Variants in CHN2 observed in about 807,000 individuals in gnomAD.
The protein encoded by CHN2 is beta-chimaerin.
Under a neutral mutation model 56.3 loss-of-function variants are expected in CHN2, and 35 were observed. The observed-to-expected ratio is 0.62, with a 90% CI of 0.47 to 0.82. CHN2 has a LOEUF of 0.82. Among genes scored for constraint, CHN2 ranks in the 40% least tolerant of loss-of-function variants. The pLI, the probability that CHN2 is intolerant of heterozygous loss-of-function variation, is 0.00. For synonymous variants in CHN2, 210 were observed against 212.8 expected (o/e 0.99, Z 0.12); for missense variants, 491 against 580.5 (o/e 0.85, Z 1.58).
At chr7:29,146,911 A>C in exon 2 of CHN2, 2 of 1,551,224 alleles carry the variant, frequency 1.3e-6, no homozygotes, top group Non-Finnish European at 1.7e-6. Context: ...CCCACTGTTT[A>C]AAAAGGCAAC....
chr7:29,507,342 A>G lies in CHN2; in HGVS notation c.1106A>G (p.Tyr369Cys). ...ATCCCTGTCATCACATATGATACCT[A>G]TTCCAAATTTATAGATGCAGCAAGT... is the stretch of plus-strand genomic sequence containing the variant. ...LPIPVITYDTYSKFIDAAKIS... is the reference protein window; with the variant it reads ...LPIPVITYDTCSKFIDAAKIS... The change falls in exon 11 of 13, where the codon TAT (tyrosine) becomes TGT (cysteine). Residue 369 changes from tyrosine (Y) to cysteine (C), a missense_variant. Tyr to Cys is a radical substitution (Grantham distance 194). Transcript: ENST00000222792. 1 of 1,608,902 alleles carries G rather than the reference A, an allele frequency of 6.2e-7. No individual in the cohort carries two copies. Among genetic ancestry groups the G allele is most frequent in the East Asian group, 2.2e-5 (1 of 44,802 alleles).
At chr7:29,476,805 G>A (rs926830004) in intron 6 of CHN2, among the ~76,000 whole-genome samples, 1 of 152,034 alleles carries the variant, frequency 6.6e-6, no homozygotes, top group African/African-American at 2.4e-5. Context: ...ATCCTGCAAC[G>A]TACAGGACAG....
intron 2 of CHN2, among the ~76,000 whole-genome samples, chr7:29,358,998 C>A (rs1798531190): frequency 6.6e-6 from 1 of 152,184 alleles, no homozygotes; most frequent in Non-Finnish European, 1.5e-5. Flanking sequence ...CTTGGGATCC[C>A]CCTGTAACTA....
intron 1 of CHN2, among the ~76,000 whole-genome samples, chr7:29,308,189 T>TA (rs1156409860): frequency 2.3e-4 from 35 of 152,296 alleles, no homozygotes; most frequent in African/African-American, 7.9e-4. Flanking sequence ...TACCTTATGT[T>TA]ACGCTGCACT....
chr7:29,200,647 TTC>T (rs1291502860), intron 1 of CHN2: 2 of 152,096 alleles, frequency 1.3e-5, no homozygotes, highest in South Asian at 2.1e-4. Context: ...GAAGCTGGTA[TTC>T]TGTCTCTCAC....
intron 1 of CHN2, among the ~76,000 whole-genome samples, chr7:29,325,281 A>G (rs988375335): frequency 3.3e-5 from 5 of 152,214 alleles, no homozygotes; most frequent in Admixed American, 2.6e-4. Flanking sequence ...CTCTAAGCCC[A>G]TGACACAGTT....
intron 1 of CHN2, among the ~76,000 whole-genome samples, chr7:29,256,827 G>A (rs376593551): frequency 1.5e-4 from 23 of 152,078 alleles, no homozygotes; most frequent in East Asian, 3.9e-4. Context: ...CCCCCACCAC[G>A]ATCCAAACCT....
intron 6 of CHN2, among the ~76,000 whole-genome samples, chr7:29,443,443 C>T (rs918014893): frequency 6.6e-6 from 1 of 152,152 alleles, no homozygotes; most frequent in Non-Finnish European, 1.5e-5. Context: ...ATGATGTTCG[C>T]ACAATGACAG....
intron 6 of CHN2, chr7:29,445,151 C>A: frequency 2.2e-6 from 1 of 455,996 alleles, no homozygotes; most frequent in South Asian, 1.5e-5. Context: ...CTGGAGAAAT[C>A]CCACCAGTAC....
chr7:29,218,542 T>C (rs1785513774), intron 1 of CHN2, among the ~76,000 whole-genome samples: 2 of 152,108 alleles, frequency 1.3e-5, no homozygotes, highest in South Asian at 4.2e-4. Flanking sequence ...AGCAAAGACT[T>C]GGAACCAACG....
At chr7:29,506,169 A>C (rs1264683416) in intron 10 of CHN2, among the ~76,000 whole-genome samples, 2 of 152,218 alleles carry the variant, frequency 1.3e-5, no homozygotes, top group African/African-American at 2.4e-5. Context: ...AATGGTAAGA[A>C]ATATAGGCCA....
chr7:29,479,518 AATT>A, intron 6 of CHN2: 2 of 295,978 alleles, frequency 6.8e-6, no homozygotes, highest in Non-Finnish European at 1.0e-5. Context: ...TAAGAATAAA[AATT>A]AAGCTTTCAA....
intron 1 of CHN2, among the ~76,000 whole-genome samples, chr7:29,303,616 C>T (rs1227107832): frequency 2.0e-5 from 3 of 152,222 alleles, no homozygotes; most frequent in African/African-American, 7.2e-5. Context: ...TCCATCCATT[C>T]ACTAGCTTCC....
chr7:29,474,743 A>G (rs978680702), intron 6 of CHN2, among the ~76,000 whole-genome samples: 2 of 152,218 alleles, frequency 1.3e-5, no homozygotes, highest in Non-Finnish European at 2.9e-5. Flanking sequence ...ACCAATGATG[A>G]CATTTTCAAA....
At chr7:29,376,693 A>T (rs1442505278) in intron 3 of CHN2, among the ~76,000 whole-genome samples, 1 of 152,080 alleles carries the variant, frequency 6.6e-6, no homozygotes, top group Non-Finnish European at 1.5e-5. Flanking sequence ...AATGCTTGCT[A>T]TTTGCTCAGC....
intron 3 of CHN2, 95 bp downstream of exon 3, chr7:29,368,082 G>T: frequency 1.0e-6 from 1 of 988,334 alleles, no homozygotes. Flanking sequence ...CCTGGGAGTT[G>T]ATTTCTATTA....
chr7:29,357,859 G>C (rs988141050), intron 2 of CHN2, among the ~76,000 whole-genome samples: 1 of 152,160 alleles, frequency 6.6e-6, no homozygotes, highest in Non-Finnish European at 1.5e-5. Context: ...TAAATAAACT[G>C]TTGGTAAACC....
chr7:29,216,820 A>T (rs763703313), intron 1 of CHN2, among the ~76,000 whole-genome samples: 1 of 152,226 alleles, frequency 6.6e-6, no homozygotes, highest in African/African-American at 2.4e-5. Context: ...AACCGGCTAT[A>T]CTTATGAAAT....
At chr7:29,213,799 A>G (rs1485558502) in intron 1 of CHN2, among the ~76,000 whole-genome samples, 2 of 152,206 alleles carry the variant, frequency 1.3e-5, no homozygotes, top group African/African-American at 4.8e-5. Context: ...TGGTTTAAGT[A>G]CAAATGAATG....
Sources: gnomAD v4.1 joint callset for allele counts (sites outside exome capture counted in the v4.1 genomes callset) on GRCh38, gnomAD v4.1.1 for gene constraint, MANE v1.5 for transcripts, NCBI Gene and HGNC (gene_info 2026-07-23, HGNC 2026-07-21) for gene names.